RMND1: variants seen among roughly 807,000 people sequenced by gnomAD.
RMND1 encodes required for meiotic nuclear division 1 homolog, also known as required for meiotic nuclear division protein 1 homolog.
In RMND1, 41 loss-of-function variants were observed where a neutral mutation model predicts 54.0. The observed-to-expected ratio is 0.76, with a 90% CI of 0.59 to 0.98. The LOEUF is 0.98. Ranked by LOEUF, RMND1 falls within the 50% of genes least tolerant of loss-of-function variation. The pLI is 0.00. For synonymous variants in RMND1, 183 were observed against 181.7 expected (o/e 1.01, Z -0.06); for missense variants, 457 against 532.0 (o/e 0.86, Z 1.39).
In RMND1 at chr6:151,445,042, A is replaced by G. The variant is rs186802255; in HGVS notation, c.504+266T>C. 21 of 350,796 alleles carry G rather than the reference A, an allele frequency of 6.0e-5. No individual in the cohort carries two copies. In the East Asian group the frequency reaches 8.0e-4, roughly 13 times the overall value. 21.7% of individuals were successfully genotyped at this position (350,796 alleles called of 1,614,324 possible). ...GGACTTAATATTGGTCCTCTTTTTC[A>G]GTTTCCTTAGACCAATAACCAAATC... On this transcript the variant is annotated intron_variant, in intron 2 of 11. Transcript: ENST00000444024.
chr6:151,425,241 T>C (rs1385983591), intron 6 of RMND1, among the ~76,000 whole-genome samples: 1 of 151,818 alleles, frequency 6.6e-6, no homozygotes, highest in Non-Finnish European at 1.5e-5. Context: ...CTGTGCTTGG[T>C]CACAAGATGC....
At chr6:151,426,044 A>C (rs941013855) in intron 6 of RMND1, among the ~76,000 whole-genome samples, 1 of 150,670 alleles carries the variant, frequency 6.6e-6, no homozygotes, top group Admixed American at 6.6e-5. Context: ...CCCAGGTTCA[A>C]GCAATTCTCT....
At chr6:151,440,385 G>C (rs903129248) in intron 2 of RMND1, among the ~76,000 whole-genome samples, 1 of 152,212 alleles carries the variant, frequency 6.6e-6, no homozygotes, top group Admixed American at 6.5e-5. Context: ...TGAATATTCC[G>C]ACACTAACGG....
chr6:151,449,842 G>A (rs543181572), intron 1 of RMND1, among the ~76,000 whole-genome samples: 3 of 152,344 alleles, frequency 2.0e-5, no homozygotes, highest in Admixed American at 1.3e-4. Context: ...GTGGAGACGG[G>A]GTTTCGCTGT....
At chr6:151,405,913 C>T (rs1779603513) in intron 10 of RMND1, 77 bp from the exon 11 acceptor site, 2 of 718,150 alleles carry the variant, frequency 2.8e-6, no homozygotes, top group Non-Finnish European at 4.8e-6. Flanking sequence ...TATAGCTATA[C>T]AGTGAAAAAT....
At chr6:151,441,380 C>T (rs570408531) in intron 2 of RMND1, among the ~76,000 whole-genome samples, 5 of 152,128 alleles carry the variant, frequency 3.3e-5, no homozygotes, top group Non-Finnish European at 7.3e-5. Context: ...GTAGTATTTG[C>T]TCTTTGCCTT....
chr6:151,451,835 G>C (rs28384516), intron 1 of RMND1, among the ~76,000 whole-genome samples, 181 bp downstream of exon 1: 8 of 152,232 alleles, frequency 5.3e-5, no homozygotes, highest in Non-Finnish European at 1.0e-4. Context: ...TCAAAAAAAG[G>C]GTTCATTAAT....
chr6:151,445,584 A>G lies in RMND1; in HGVS notation c.228T>C (p.Asp76=). ...CATTTAATGGAGACAGCATGCTGGT[A>G]TCTGACTTTTTTTGGTTCATTTCCA... ...QILEMNQKKS[D]TSMLSPLNAA... is the part of the protein sequence containing the mutation. The change falls in exon 2 of 12, where the codon GAT becomes GAC. Residue 76 remains aspartate, a synonymous_variant. Coordinates refer to ENST00000444024, the MANE Select transcript of RMND1 (RefSeq NM_017909.4). The G allele has an allele frequency of 1.2e-6, 2 of 1,614,206 alleles. No homozygotes were observed. Among genetic ancestry groups the G allele is most frequent in the East Asian group, 2.2e-5 (1 of 44,890 alleles).
chr6:151,450,450 T>TG (rs1296526027), intron 1 of RMND1, among the ~76,000 whole-genome samples: 562 of 45,426 alleles, frequency 0.012, 41 homozygotes, highest in Non-Finnish European at 0.013. Context: ...GGGAGGGAGG[T>TG]GGGGGGGCCA....
intron 2 of RMND1, among the ~76,000 whole-genome samples, chr6:151,442,198 C>G (rs1347843606): frequency 6.6e-6 from 1 of 152,090 alleles, no homozygotes; most frequent in East Asian, 1.9e-4. Flanking sequence ...TTTACGTTAC[C>G]AAGATCACGC....
chr6:151,417,166 T>A, intron 10 of RMND1, 113 bp downstream of exon 10: 1 of 1,205,018 alleles, frequency 8.3e-7, no homozygotes. Flanking sequence ...AGGGGAAATA[T>A]AAAGAGATTT....
chr6:151,406,529 TTTTTGTA>T (rs2114909805), intron 10 of RMND1, among the ~76,000 whole-genome samples: 1 of 152,160 alleles, frequency 6.6e-6, no homozygotes, highest in East Asian at 1.9e-4. Context: ...GCCCGGCTAA[TTTTTGTA>T]TTTTTAGTAG....
Position 151,423,643 on chromosome 6 carries a change from A to C in RMND1, c.831-12T>G. ...GTTTTGACTGTCCCCTGTGAAAAGC[A>C]AAAAGATAATACCTTCTAAATCTTA... On this transcript the variant is annotated splice_polypyrimidine_tract_variant and intron_variant, in intron 6 of 11. Transcript: ENST00000444024. The C allele has an allele frequency of 6.5e-7, 1 of 1,539,018 alleles. No homozygotes were observed.
intron 5 of RMND1, among the ~76,000 whole-genome samples, chr6:151,429,306 G>A (rs1780390214): frequency 6.6e-6 from 1 of 151,958 alleles, no homozygotes; most frequent in Non-Finnish European, 1.5e-5. Context: ...ATTTTTAGTA[G>A]ACATGGGGTT....
chr6:151,408,274 C>T (rs1338652894), intron 10 of RMND1, among the ~76,000 whole-genome samples: 2 of 152,062 alleles, frequency 1.3e-5, no homozygotes, highest in Non-Finnish European at 2.9e-5. Context: ...GCAGGCGGAT[C>T]ACTTGAGGTC....
rs542716265 is a variant in RMND1, at chr6:151,425,240, G to GT, written c.831-1610dup. Among the ~76,000 whole-genome samples the GT allele has an allele frequency of 1.2e-3, 180 of 152,326 alleles. 6 individuals are homozygous for GT. The South Asian group carries it at 0.035, about 30-fold the overall frequency. ...TTACAGGCATGAGCCACTGTGCTTG[G>GT]TCACAAGATGCTTTATGAGTAAACT... On this transcript the variant is annotated intron_variant, in intron 6 of 11. Transcript: ENST00000444024.
chr6:151,442,984 G>A (rs1582968124), intron 2 of RMND1, among the ~76,000 whole-genome samples: 1 of 152,148 alleles, frequency 6.6e-6, no homozygotes, highest in Admixed American at 6.5e-5. Flanking sequence ...ACGCTGTTCT[G>A]CAGAGCTGAA....
At chr6:151,433,076 G>C (rs1396193753) in intron 4 of RMND1, 79 bp downstream of exon 4, 19 of 758,374 alleles carry the variant, frequency 2.5e-5, no homozygotes, top group Non-Finnish European at 3.8e-5. Flanking sequence ...TGTTAAGAAA[G>C]GTATGCCTGC....
At chr6:151,434,745 A>T (rs1252661430) in intron 3 of RMND1, among the ~76,000 whole-genome samples, 1 of 152,248 alleles carries the variant, frequency 6.6e-6, no homozygotes, top group South Asian at 2.1e-4. Flanking sequence ...CCACTGTTAT[A>T]GGAAGGCTTT....
Sources: gnomAD v4.1 joint callset for allele counts (sites outside exome capture counted in the v4.1 genomes callset) on GRCh38, gnomAD v4.1.1 for gene constraint, MANE v1.5 for transcripts, NCBI Gene and HGNC (gene_info 2026-07-23, HGNC 2026-07-21) for gene names.